The following DHX9 variants were observed in gnomAD, a reference collection of about 807,000 sequenced individuals.
The protein encoded by DHX9 is DExH-box helicase 9.
In DHX9, 27 loss-of-function variants were observed where a neutral mutation model predicts 148.7. The observed-to-expected ratio is 0.18, with a 90% confidence interval of 0.13 to 0.25. The LOEUF is 0.25. Among genes scored for constraint, DHX9 ranks in the 10% least tolerant of loss-of-function variants. The probability of loss-of-function intolerance (pLI) is 1.00; values close to 1 mark genes in which losing one functional copy is unlikely to be tolerated. For synonymous variants in DHX9, 529 were observed against 516.6 expected (o/e 1.02, Z -0.33); for missense variants, 796 against 1,559.6 (o/e 0.51, Z 8.25).
chr1:182,869,482 C>CGGTTT (rs1443323387), intron 14 of DHX9, among the ~76,000 whole-genome samples: 1 of 151,826 alleles, frequency 6.6e-6, no homozygotes, highest in Admixed American at 6.6e-5. Context: ...CGGTTTGCTG[C>CGGTTT]GGTTTGGTCT....
intron 19 of DHX9, 50 bp downstream of exon 19, chr1:182,876,953 A>G (rs1557977658): frequency 1.5e-6 from 2 of 1,339,726 alleles, no homozygotes; most frequent in East Asian, 2.3e-5. Flanking sequence ...CTAACTGGAA[A>G]CTTCTTACCA....
intron 14 of DHX9, among the ~76,000 whole-genome samples, chr1:182,871,476 G>A (rs533884588): frequency 5.9e-5 from 9 of 152,282 alleles, no homozygotes; most frequent in African/African-American, 1.7e-4. Context: ...ATTACCTTCC[G>A]AAGTTCAGCA....
At chr1:182,846,868 G>C (rs981089198) in intron 3 of DHX9, among the ~76,000 whole-genome samples, 1 of 150,412 alleles carries the variant, frequency 6.6e-6, no homozygotes, top group Non-Finnish European at 1.5e-5. Context: ...ATAAAGACTT[G>C]ATATCCCACA....
At chr1:182,882,635 GTC>G in intron 24 of DHX9, among the ~76,000 whole-genome samples, 1 of 152,292 alleles carries the variant, frequency 6.6e-6, no homozygotes, top group South Asian at 2.1e-4. Flanking sequence ...GGGAGGCCGA[GTC>G]AGGTGGATCA....
At chr1:182,841,290 C>G (rs572637503) in intron 1 of DHX9, among the ~76,000 whole-genome samples, 26 of 139,268 alleles carry the variant, frequency 1.9e-4, no homozygotes, top group African/African-American at 6.7e-4. Context: ...GACTCCGTCT[C>G]AAAAAAAAAA....
At chr1:182,884,525 T>C (rs1649232052) in intron 26 of DHX9, 88 bp from the exon 27 acceptor site, 5 of 1,152,506 alleles carry the variant, frequency 4.3e-6, no homozygotes, top group Non-Finnish European at 6.3e-6. Flanking sequence ...AAATTTATTC[T>C]ATAATGTGCC....
chr1:182,881,193 A>T (rs1649070971), intron 22 of DHX9, 71 bp from the exon 23 acceptor site: 2 of 1,492,896 alleles, frequency 1.3e-6, no homozygotes, highest in South Asian at 1.3e-5. Context: ...CCCACAGTCG[A>T]CAGTCCTACC....
chr1:182,843,863 C>G (rs1226843181), intron 3 of DHX9, among the ~76,000 whole-genome samples: 2 of 152,190 alleles, frequency 1.3e-5, no homozygotes, highest in Non-Finnish European at 1.5e-5. Flanking sequence ...AGTGACACAA[C>G]CATAGCTCAC....
chr1:182,877,829 T>A, intron 19 of DHX9, 192 bp from the exon 20 acceptor site: 1 of 639,320 alleles, frequency 1.6e-6, no homozygotes, highest in Non-Finnish European at 2.6e-6. Context: ...GGATGTTACA[T>A]TGCCTTTTAG....
At position 182,859,110 on chromosome 1, in the gene DHX9, T is replaced by G; in HGVS notation, c.1133T>G (p.Leu378Trp). Reference sequence around the variant, plus strand: ...TACCAGTTGGAACAGGATCATGATTTGCAAGCAGTAAGTCTGAATTATTTA... The same window carrying G: ...TACCAGTTGGAACAGGATCATGATTGGCAAGCAGTAAGTCTGAATTATTTA... ...LMYQLEQDHDLQAILQERELL... is the reference protein window; with the variant it reads ...LMYQLEQDHDWQAILQERELL... Residue 378 changes from leucine (L) to tryptophan (W), a missense_variant, in exon 11 of 28, where the codon TTG (leucine) becomes TGG (tryptophan). Physicochemically the swap from Leu to Trp is moderately conservative, Grantham distance 61 (BLOSUM62 -2). This residue lies in a region of DHX9 where 42 missense variants were observed against 27.1 expected (regional missense o/e 1.55). Coordinates refer to ENST00000367549, the MANE Select transcript of DHX9 (RefSeq NM_001357.5). The G allele has an allele frequency of 6.2e-7, 1 of 1,613,918 alleles. No individual in the cohort carries two copies. Among genetic ancestry groups the G allele is most frequent in the South Asian group, 1.1e-5 (1 of 91,048 alleles).
chr1:182,873,559 G>C (rs538972211), intron 15 of DHX9, among the ~76,000 whole-genome samples: 5 of 152,246 alleles, frequency 3.3e-5, no homozygotes, highest in African/African-American at 1.2e-4. Context: ...AGGATAAGTG[G>C]GATTGCTAGA....
chr1:182,859,848 T>C (rs991370082), intron 11 of DHX9, 145 bp from the exon 12 acceptor site: 49 of 660,066 alleles, frequency 7.4e-5, no homozygotes, highest in Non-Finnish European at 1.2e-4. Context: ...CCTCACCTCA[T>C]GATCCTCAGC....
chr1:182,879,381 C>T lies in DHX9; in HGVS notation c.2483C>T (p.Ala828Val). The T allele has an allele frequency of 6.5e-7, 1 of 1,528,768 alleles. No individual in the cohort carries two copies. The highest frequency in any genetic ancestry group is 8.9e-7 in the Non-Finnish European group (1 of 1,120,486). The allele number at this position is 1,528,768 out of a possible 1,614,324, so 94.7% of individuals were successfully genotyped here. A position where few individuals can be genotyped will look rare whatever the true frequency, so the allele number is the denominator to read the frequency against. The change falls in exon 21 of 28, where the codon GCT becomes GTT. Residue 828 changes from alanine (A) to valine (V), a missense_variant. By Grantham distance (64) the Ala-to-Val change is moderately conservative. Coordinates refer to ENST00000367549, the MANE Select transcript of DHX9 (RefSeq NM_001357.5). ...GCAATTGAACCTCCCCCTTTGGATG[C>T]TGTGATTGAAGCAGAACACACTCTT... ...AKAIEPPPLD[A>V]VIEAEHTLRE...
intron 3 of DHX9, among the ~76,000 whole-genome samples, chr1:182,851,676 C>T (rs1668152974): frequency 6.6e-6 from 1 of 152,072 alleles, no homozygotes; most frequent in Admixed American, 6.6e-5. Context: ...CAGAATTTTC[C>T]TTAGTTTAGA....
At chr1:182,877,363 A>T (rs1648857832) in intron 19 of DHX9, 1 of 153,128 alleles carries the variant, frequency 6.5e-6, no homozygotes, top group South Asian at 2.1e-4. Context: ...AGATACAGGA[A>T]TTACATGGTA....
At chr1:182,878,496 A>G (rs1197009808) in intron 20 of DHX9, among the ~76,000 whole-genome samples, 1 of 152,232 alleles carries the variant, frequency 6.6e-6, no homozygotes, top group Non-Finnish European at 1.5e-5. Flanking sequence ...CAGTTGTAAA[A>G]AGAATATAAA....
chr1:182,884,360 G>T (rs1051791308), intron 26 of DHX9, among the ~76,000 whole-genome samples: 10 of 151,940 alleles, frequency 6.6e-5, no homozygotes, highest in African/African-American at 2.4e-4. Context: ...ATTTTATTTG[G>T]CTTGATAGAC....
In DHX9 at chr1:182,880,483, C is replaced by G; in HGVS notation, c.2513-14C>G. ...TTCATTTGTTTCTGCTCACAAAGAA[C>G]TATCTCCCCACAGAGCTTGATGCAT... On this transcript the variant is annotated splice_polypyrimidine_tract_variant and intron_variant, in intron 21 of 27. Transcript: ENST00000367549. The G allele has an allele frequency of 6.4e-7, 1 of 1,560,610 alleles. No homozygotes were observed. The highest frequency in any genetic ancestry group is 8.8e-7 in the Non-Finnish European group (1 of 1,134,684).
chr1:182,872,476 G>T lies in DHX9; in HGVS notation c.1697G>T (p.Arg566Met). The change falls in exon 15 of 28, where the codon AGG (arginine) becomes ATG (methionine). Residue 566 changes from arginine (R) to methionine (M), a missense_variant. This residue lies in a region of DHX9 where 133 missense variants were observed against 223.8 expected (regional missense o/e 0.59). Coordinates refer to ENST00000367549, the MANE Select transcript of DHX9 (RefSeq NM_001357.5). Reference sequence around the variant, plus strand: ...TGCCCCATCATTGAAGTTTATGGGAGGACTTACCCAGTTCAAGGTAATATT... The same window carrying T: ...TGCCCCATCATTGAAGTTTATGGGATGACTTACCCAGTTCAAGGTAATATT... ...FNCPIIEVYGRTYPVQEYFLE... is the reference protein window; with the variant it reads ...FNCPIIEVYGMTYPVQEYFLE... The T allele has an allele frequency of 6.2e-7, 1 of 1,613,792 alleles. No individual in the cohort carries two copies.
Sources: allele counts gnomAD v4.1 joint callset (sites outside exome capture counted in the v4.1 genomes callset), GRCh38; gene constraint gnomAD v4.1.1; regional missense constraint gnomAD v4.1.1; transcripts MANE v1.5; gene names NCBI Gene and HGNC (gene_info 2026-07-23, HGNC 2026-07-21).